The following PBX1 variants were observed in gnomAD, a reference collection of about 807,000 sequenced individuals.
PBX1 encodes pre-B-cell leukemia transcription factor 1.
In PBX1, 6 loss-of-function variants were observed where a neutral mutation model predicts 53.4. The ratio of observed to expected loss-of-function variants is 0.11; its 90% CI spans 0.06 to 0.22. The LOEUF (loss-of-function observed/expected upper bound fraction) is 0.22, where lower values mean the gene tolerates loss of function less well. PBX1 is among the 10% of genes least tolerant of loss of function. The probability of loss-of-function intolerance (pLI) is 1.00; values close to 1 mark genes in which losing one functional copy is unlikely to be tolerated. For missense variants in PBX1, 251 were observed against 551.4 expected (o/e 0.46, Z 5.46); for synonymous variants, 204 against 212.3 (o/e 0.96, Z 0.34).
At chr1:164,789,016 G>T (rs1198020878) in intron 2 of PBX1, among the ~76,000 whole-genome samples, 2 of 152,140 alleles carry the variant, frequency 1.3e-5, no homozygotes, top group East Asian at 1.9e-4. Flanking sequence ...ACACTTTCTT[G>T]CCCCAGCCAA....
At chr1:164,562,490 CA>C (rs1308935945) in intron 1 of PBX1, among the ~76,000 whole-genome samples, 4 of 151,024 alleles carry the variant, frequency 2.6e-5, no homozygotes, top group African/African-American at 4.9e-5. Flanking sequence ...CACACACACA[CA>C]CACCAGGTAA....
intron 2 of PBX1, among the ~76,000 whole-genome samples, chr1:164,563,702 G>A (rs555262044): frequency 1.2e-4 from 19 of 152,258 alleles, no homozygotes; most frequent in Non-Finnish European, 2.5e-4. Context: ...GTGTGGGGGT[G>A]CTAAACTGTT....
intron 2 of PBX1, among the ~76,000 whole-genome samples, chr1:164,687,700 C>T (rs373207634): frequency 5.3e-5 from 8 of 151,822 alleles, no homozygotes; most frequent in African/African-American, 1.5e-4. Flanking sequence ...CAAAAACATA[C>T]GCAAGGTTTT....
At chr1:164,691,031 T>G (rs1271642392) in intron 2 of PBX1, among the ~76,000 whole-genome samples, 4 of 149,324 alleles carry the variant, frequency 2.7e-5, no homozygotes, top group Non-Finnish European at 4.4e-5. Context: ...TTTTTTTTTT[T>G]TGTGACAGAG....
chr1:164,589,767 G>C (rs1226577837), intron 2 of PBX1, among the ~76,000 whole-genome samples: 1 of 152,210 alleles, frequency 6.6e-6, no homozygotes, highest in Non-Finnish European at 1.5e-5. Context: ...AGATTGAATT[G>C]CTGGGGAGGA....
At chr1:164,649,158 G>A (rs1659637671) in intron 2 of PBX1, among the ~76,000 whole-genome samples, 1 of 152,154 alleles carries the variant, frequency 6.6e-6, no homozygotes, top group African/African-American at 2.4e-5. Context: ...CATGCGCTTA[G>A]TCACTTCACC....
At position 164,603,927 on chromosome 1, in the gene PBX1, TCA is replaced by T. The variant is rs147701651; in HGVS notation, c.265+40617_265+40618del. On this transcript the variant is annotated intron_variant, in intron 2 of 8. Coordinates refer to ENST00000420696, the MANE Select transcript of PBX1 (RefSeq NM_002585.4). Reference sequence around the variant, plus strand: ...AAGACACTCTGTACATTATGTCATTTCATTTTTTTTTTTTTTTTTTTTTTTTT... The same window carrying T: ...AAGACACTCTGTACATTATGTCATTTTTTTTTTTTTTTTTTTTTTTTTTTT... Among the ~76,000 whole-genome samples the T allele has an allele frequency of 0.011, 1,336 of 118,890 alleles. 37 individuals are homozygous for T. In the East Asian group the frequency reaches 0.12, roughly 11 times the overall value. The allele number at this position is 118,890 out of a possible 152,430, so 78.0% of individuals were successfully genotyped here.
At chr1:164,632,921 G>A (rs1658500593) in intron 2 of PBX1, among the ~76,000 whole-genome samples, 1 of 152,162 alleles carries the variant, frequency 6.6e-6, no homozygotes. Flanking sequence ...TAGGGTTCAT[G>A]TAGAGTTAAG....
intron 2 of PBX1, among the ~76,000 whole-genome samples, chr1:164,783,113 G>T (rs998303071): frequency 6.6e-6 from 1 of 152,218 alleles, no homozygotes; most frequent in East Asian, 1.9e-4. Context: ...TCCAGTGTGA[G>T]CTCTGCCAGG....
chr1:164,736,398 C>T (rs1463085192), intron 2 of PBX1, among the ~76,000 whole-genome samples: 2 of 152,134 alleles, frequency 1.3e-5, no homozygotes, highest in Non-Finnish European at 2.9e-5. Context: ...CAGCTCCACT[C>T]ACCCCACCTG....
intron 2 of PBX1, among the ~76,000 whole-genome samples, chr1:164,651,248 A>T (rs1026027373): frequency 6.8e-6 from 1 of 147,768 alleles, no homozygotes; most frequent in Non-Finnish European, 1.5e-5. Context: ...GGGGTGGTGG[A>T]GGCTGTGCAG....
chr1:164,843,905 G>T (rs1268536686), intron 8 of PBX1, among the ~76,000 whole-genome samples: 3 of 151,850 alleles, frequency 2.0e-5, no homozygotes, highest in African/African-American at 4.8e-5. Context: ...TTTACTAATG[G>T]CTTCATTTTT....
chr1:164,643,962 A>G (rs1659302946), intron 2 of PBX1, among the ~76,000 whole-genome samples: 1 of 152,166 alleles, frequency 6.6e-6, no homozygotes, highest in African/African-American at 2.4e-5. Flanking sequence ...TTGCTTGTAT[A>G]TTCTTTGGGT....
At chr1:164,867,631 G>A (rs1238703685) in intron 2 of PBX1, among the ~76,000 whole-genome samples, 4 of 152,170 alleles carry the variant, frequency 2.6e-5, no homozygotes, top group East Asian at 1.9e-4. Context: ...GAGGGTTCAC[G>A]AAACATTTGC....
chr1:164,687,530 C>T (rs1275307933), intron 2 of PBX1, among the ~76,000 whole-genome samples: 1 of 144,598 alleles, frequency 6.9e-6, no homozygotes, highest in Non-Finnish European at 1.5e-5. Flanking sequence ...CACCACTGCA[C>T]TCCAGCTGGG....
chr1:164,610,748 C>G (rs1656865138), intron 2 of PBX1, among the ~76,000 whole-genome samples: 1 of 152,224 alleles, frequency 6.6e-6, no homozygotes, highest in Admixed American at 6.5e-5. Flanking sequence ...GGCCAATGTG[C>G]TTGGCCCTCC....
At chr1:164,599,876 T>A (rs1411827707) in intron 2 of PBX1, among the ~76,000 whole-genome samples, 1 of 152,194 alleles carries the variant, frequency 6.6e-6, no homozygotes, top group Non-Finnish European at 1.5e-5. Flanking sequence ...TCTTCTTTTC[T>A]TAAAAAGCTT....
chr1:164,704,625 A>G (rs1383488467), intron 2 of PBX1, among the ~76,000 whole-genome samples: 2 of 150,852 alleles, frequency 1.3e-5, no homozygotes, highest in African/African-American at 4.9e-5. Flanking sequence ...CTCTGATACT[A>G]TAGAATTGGA....
chr1:164,610,123 C>T (rs769550175), intron 2 of PBX1, among the ~76,000 whole-genome samples: 59 of 152,264 alleles, frequency 3.9e-4, no homozygotes, highest in Admixed American at 1.6e-3. Context: ...AATTGGTGGC[C>T]GCCGCCTCCT....
Sources: allele counts gnomAD v4.1 joint callset (sites outside exome capture counted in the v4.1 genomes callset), GRCh38; gene constraint gnomAD v4.1.1; transcripts MANE v1.5; gene names NCBI Gene and HGNC (gene_info 2026-07-23, HGNC 2026-07-21).